Variants in NUP85 observed in about 807,000 individuals in gnomAD.
The protein encoded by NUP85 is nucleoporin 85, also known as nuclear pore complex protein Nup85.
A neutral mutation model predicts 92.8 loss-of-function variants in NUP85; 23 were observed. That is an observed-to-expected ratio of 0.25 (90% CI 0.18 to 0.35). The LOEUF (loss-of-function observed/expected upper bound fraction) is 0.35, where lower values mean the gene tolerates loss of function less well. Ranked by LOEUF, NUP85 falls within the 10% of genes least tolerant of loss-of-function variation. The pLI, the probability that NUP85 is intolerant of heterozygous loss-of-function variation, is 1.00. For missense variants in NUP85, 759 were observed against 822.8 expected, an observed-to-expected ratio of 0.92 and a Z score of 0.95; for synonymous variants, 314 against 306.9, an observed-to-expected ratio of 1.02 and a Z score of -0.24.
At chr17:75,234,106 C>T (rs2076225605) in intron 16 of NUP85, among the ~76,000 whole-genome samples, 1 of 147,546 alleles carries the variant, frequency 6.8e-6, no homozygotes, top group African/African-American at 2.5e-5. Context: ...CGCTGGAGTG[C>T]AGTGGTACAA....
In NUP85 at chr17:75,231,487, C is replaced by G. The variant is rs2076056251; in HGVS notation, c.1178+64C>G. On this transcript the variant is annotated intron_variant, in intron 12 of 18. Coordinates refer to ENST00000245544, the MANE Select transcript of NUP85 (RefSeq NM_024844.5). The surrounding 1 kb of genome is among the most constrained non-coding windows in gnomAD (Gnocchi z 4.6). Reference sequence around the variant, plus strand: ...ACCAGGCCCCCGAGGGTGGTGTGAACTGAATGCCTGAAAGGGAGGTTGGGC... The same window carrying G: ...ACCAGGCCCCCGAGGGTGGTGTGAAGTGAATGCCTGAAAGGGAGGTTGGGC... The G allele has an allele frequency of 1.6e-5, 26 of 1,607,884 alleles. No individual in the cohort carries two copies. Among genetic ancestry groups the G allele is most frequent in the Non-Finnish European group, 2.2e-5 (26 of 1,174,338 alleles).
chr17:75,212,328 G>A (rs1027829320), intron 4 of NUP85, among the ~76,000 whole-genome samples: 1 of 126,336 alleles, frequency 7.9e-6, no homozygotes, highest in Non-Finnish European at 1.6e-5. Context: ...AGGTGCTGTG[G>A]CATGAACTCA....
rs2076076084 is a variant in NUP85 at position 75,231,895 on chromosome 17, C to T, written c.1312C>T (p.His438Tyr). 1.2e-6 allele frequency: 2 copies of T among 1,614,210 alleles called. No homozygotes were observed. The highest frequency in any genetic ancestry group is 2.2e-5 in the East Asian group (1 of 44,882). ...GCTGGGCCGAGTCTCCCTGGAGCTG[C>T]ACATTGAGCGGATACCTCTGAACAC... The part of the protein sequence containing the change: ...PELGRVSLEL[H>Y]IERIPLNTEQ... Residue 438 changes from histidine (H) to tyrosine (Y), a missense_variant, in exon 14 of 19, where the codon CAC becomes TAC. Physicochemically the swap from His to Tyr is moderately conservative, Grantham distance 83. Coordinates refer to ENST00000245544, the MANE Select transcript of NUP85 (RefSeq NM_024844.5). The surrounding 1 kb of genome is among the most constrained non-coding windows in gnomAD (Gnocchi z 4.6).
intron 6 of NUP85, among the ~76,000 whole-genome samples, chr17:75,217,760 G>A (rs1209839473): frequency 6.6e-6 from 1 of 152,228 alleles, no homozygotes; most frequent in Non-Finnish European, 1.5e-5. Context: ...ACCTGCCTTA[G>A]CCTCCGAAAG....
Position 75,205,712 on chromosome 17 carries a change from C to T in NUP85, c.-50C>T. On this transcript the variant is annotated 5_prime_UTR_variant, in exon 1 of 19. Transcript: ENST00000245544. Reference sequence around the variant, plus strand: ...GCCAGCTCTGAGCGGGAGGCCTGAGCGGGAAGCATTGGCGTCCGAGCGACT... The same window carrying T: ...GCCAGCTCTGAGCGGGAGGCCTGAGTGGGAAGCATTGGCGTCCGAGCGACT... 2 of 1,611,634 alleles carry T rather than the reference C, an allele frequency of 1.2e-6. No individual in the cohort carries two copies. The highest frequency in any genetic ancestry group is 1.7e-6 in the Non-Finnish European group (2 of 1,177,788).
chr17:75,232,114 G>C (rs2076085594), intron 14 of NUP85, 135 bp downstream of exon 14: 4 of 862,586 alleles, frequency 4.6e-6, no homozygotes. Flanking sequence ...TGGACGCCAA[G>C]AGGTAAACTA....
At chr17:75,209,683 C>T (rs1386352646) in intron 2 of NUP85, 140 bp from the exon 3 acceptor site, 2 of 589,324 alleles carry the variant, frequency 3.4e-6, no homozygotes, top group African/African-American at 3.9e-5. Flanking sequence ...ACCTCGTGAT[C>T]TGCCTGCCTT....
Position 75,229,157 on chromosome 17 carries a change from A to G in NUP85, c.1095-2183A>G. On this transcript the variant is annotated intron_variant, in intron 11 of 18. Coordinates refer to ENST00000245544, the MANE Select transcript of NUP85 (RefSeq NM_024844.5). ...GTGACAAGTCTTCCTTCAATAACCAAGAAGAGTTCCAGCTTAATGTCTGCT... is the reference window on the plus strand; with the variant it reads ...GTGACAAGTCTTCCTTCAATAACCAGGAAGAGTTCCAGCTTAATGTCTGCT... 2 of 985,442 alleles carry G rather than the reference A, an allele frequency of 2.0e-6. 1 individual carries two copies. 61.0% of individuals were successfully genotyped at this position (985,442 alleles called of 1,614,324 possible).
intron 11 of NUP85, chr17:75,228,145 G>T: frequency 1.0e-6 from 1 of 971,076 alleles, no homozygotes; most frequent in Non-Finnish European, 1.2e-6. Flanking sequence ...TAATTTATAA[G>T]CCCTGTATCT....
intron 2 of NUP85, among the ~76,000 whole-genome samples, chr17:75,209,510 C>T (rs538529186): frequency 7.1e-6 from 1 of 140,256 alleles, no homozygotes; most frequent in African/African-American, 2.7e-5. Flanking sequence ...GTGGTGTGAT[C>T]TCGGCTCACT....
chr17:75,219,574 A>G (rs1200947434), intron 7 of NUP85, among the ~76,000 whole-genome samples: 1 of 152,174 alleles, frequency 6.6e-6, no homozygotes, highest in African/African-American at 2.4e-5. Context: ...ATTCCTGGTC[A>G]TTCACTGAGT....
intron 7 of NUP85, among the ~76,000 whole-genome samples, chr17:75,220,399 C>T (rs1314683041): frequency 6.6e-6 from 1 of 151,016 alleles, no homozygotes; most frequent in Non-Finnish European, 1.5e-5. Flanking sequence ...CTGGGATTAC[C>T]AGCATGAGCC....
intron 14 of NUP85, among the ~76,000 whole-genome samples, chr17:75,232,459 G>A (rs1422472600): frequency 3.3e-5 from 5 of 152,138 alleles, no homozygotes; most frequent in Non-Finnish European, 5.9e-5. Flanking sequence ...GCATGTTCAC[G>A]ACCATTTCTG....
chr17:75,223,495 C>G (rs536276378), intron 7 of NUP85, among the ~76,000 whole-genome samples: 186 of 152,194 alleles, frequency 1.2e-3, no homozygotes, highest in South Asian at 3.9e-3. Flanking sequence ...TCAAATGATT[C>G]TTGTTCCTCA....
intron 6 of NUP85, 129 bp downstream of exon 6, chr17:75,215,952 G>T (rs773067043): frequency 2.4e-6 from 2 of 837,126 alleles, no homozygotes; most frequent in East Asian, 2.6e-5. Flanking sequence ...TTATAACCAC[G>T]GGAAGTCGTT....
rs2076281451 is a variant in NUP85 at position 75,235,120 on chromosome 17, G to A, written c.1788G>A (p.Gln596=). The change falls in exon 18 of 19, where the codon CAG becomes CAA. Residue 596 remains glutamine (Q), a synonymous_variant. Transcript: ENST00000245544. The part of the protein sequence containing the change: ...EQKQVIFSAE[Q]TYELMRCLED... ...CCTAGGTGATTTTCTCAGCAGAACAGACTTATGAGTTGATGCGGTGTCTGG... is the reference window on the plus strand; with the variant it reads ...CCTAGGTGATTTTCTCAGCAGAACAAACTTATGAGTTGATGCGGTGTCTGG... 1.2e-6 allele frequency: 2 copies of A among 1,614,134 alleles called. No homozygotes were observed. Among genetic ancestry groups the A allele is most frequent in the Non-Finnish European group, 1.7e-6 (2 of 1,179,970 alleles).
intron 7 of NUP85, among the ~76,000 whole-genome samples, chr17:75,218,588 G>GTTTTTTT (rs67761124): frequency 0.02 from 1,639 of 82,758 alleles, 114 homozygotes; most frequent in Non-Finnish European, 0.024. Flanking sequence ...ATACAAAACC[G>GTTTTTTT]TTTTTTTTTT....
intron 14 of NUP85, among the ~76,000 whole-genome samples, chr17:75,232,413 T>A (rs950004118): frequency 6.6e-6 from 1 of 152,190 alleles, no homozygotes; most frequent in South Asian, 2.1e-4. Flanking sequence ...TGTTGAGTAA[T>A]GTAAACATGA....
Position 75,218,441 on chromosome 17 carries a change from G to A in NUP85, c.597+135G>A, listed in dbSNP as rs1245615320. The A allele has an allele frequency of 2.8e-6, 3 of 1,055,118 alleles. No individual in the cohort carries two copies. The African/African-American group carries it at 4.7e-5, about 17-fold the overall frequency. The allele number at this position is 1,055,118 out of a possible 1,614,324, so 65.4% of individuals were successfully genotyped here. On this transcript the variant is annotated intron_variant, in intron 7 of 18. Coordinates refer to ENST00000245544, the MANE Select transcript of NUP85 (RefSeq NM_024844.5). ...GTCTGTTACTATGGAGACTCTTTTG[G>A]ATCTTTTCTTCCCTGCTCTATGGGA...
Sources: gnomAD v4.1 joint callset for allele counts (sites outside exome capture counted in the v4.1 genomes callset) on GRCh38, gnomAD v4.1.1 for gene constraint, Gnocchi (gnomAD v3.1) non-coding constraint, MANE v1.5 for transcripts, NCBI Gene and HGNC (gene_info 2026-07-23, HGNC 2026-07-21) for gene names.